The following C3orf70 variants were observed in gnomAD, a reference collection of about 807,000 sequenced individuals.
C3orf70 encodes the protein chromosome 3 open reading frame 70.
A neutral mutation model predicts 20.7 loss-of-function variants in C3orf70; 15 were observed. That is an observed-to-expected ratio of 0.72 (90% CI 0.48 to 1.11). The LOEUF (loss-of-function observed/expected upper bound fraction) is 1.11, where lower values mean the gene tolerates loss of function less well. Ranked by LOEUF, C3orf70 falls within the 50% of genes most tolerant of loss-of-function variation. C3orf70 has a pLI of 0.00. For missense variants in C3orf70, 332 were observed against 317.6 expected (o/e 1.05, Z -0.34); for synonymous variants, 161 against 125.7 (o/e 1.28, Z -1.88).
chr3:185,101,563 G>T (rs572585814), intron 1 of C3orf70, among the ~76,000 whole-genome samples: 1 of 152,184 alleles, frequency 6.6e-6, no homozygotes, highest in Admixed American at 6.5e-5. Flanking sequence ...GTCTGCTTCT[G>T]GGGAGGTCTC....
chr3:185,110,981 C>G (rs1465483612), intron 1 of C3orf70, among the ~76,000 whole-genome samples: 3 of 152,166 alleles, frequency 2.0e-5, no homozygotes, highest in Non-Finnish European at 4.4e-5. Context: ...CTCTATATTT[C>G]TGTGTGTGTG....
intron 1 of C3orf70, among the ~76,000 whole-genome samples, chr3:185,098,431 A>G (rs1474705699): frequency 6.6e-6 from 1 of 152,234 alleles, no homozygotes; most frequent in Non-Finnish European, 1.5e-5. Context: ...TTTCAAAGAC[A>G]TTAATTAGGA....
At chr3:185,135,346 C>T (rs952000424) in intron 1 of C3orf70, among the ~76,000 whole-genome samples, 17 of 152,138 alleles carry the variant, frequency 1.1e-4, no homozygotes, top group Non-Finnish European at 7.3e-5. Context: ...CCAGGCCAGG[C>T]GCAGTGGCTC....
intron 1 of C3orf70, among the ~76,000 whole-genome samples, chr3:185,090,434 T>C (rs1326780766): frequency 2.6e-5 from 4 of 152,208 alleles, no homozygotes; most frequent in Admixed American, 2.6e-4. Flanking sequence ...CAGATAGTTT[T>C]ATGGTTGTTA....
At chr3:185,126,466 A>C (rs1010493704) in intron 1 of C3orf70, among the ~76,000 whole-genome samples, 1 of 152,196 alleles carries the variant, frequency 6.6e-6, no homozygotes, top group East Asian at 1.9e-4. Flanking sequence ...CATTACTGTC[A>C]GTACAGAGTC....
At chr3:185,130,915 C>T (rs1240081693) in intron 1 of C3orf70, among the ~76,000 whole-genome samples, 1 of 152,094 alleles carries the variant, frequency 6.6e-6, no homozygotes, top group Admixed American at 6.5e-5. Context: ...ATTAATGCTG[C>T]TATAAACATT....
intron 1 of C3orf70, among the ~76,000 whole-genome samples, chr3:185,101,163 C>T (rs1006715368): frequency 6.6e-6 from 1 of 152,154 alleles, no homozygotes; most frequent in Non-Finnish European, 1.5e-5. Flanking sequence ...GGAAGAAGGA[C>T]TCCTCCCTAA....
chr3:185,133,472 GT>G (rs1228591797), intron 1 of C3orf70, among the ~76,000 whole-genome samples: 1 of 152,236 alleles, frequency 6.6e-6, no homozygotes, highest in Non-Finnish European at 1.5e-5. Context: ...GCCAGGCATG[GT>G]GGCTCATGCC....
chr3:185,089,258 T>G (rs1715517928), intron 1 of C3orf70, among the ~76,000 whole-genome samples: 1 of 152,178 alleles, frequency 6.6e-6, no homozygotes, highest in East Asian at 1.9e-4. Context: ...ATTTATTTAT[T>G]TATTTATTCA....
rs1716100577 is a variant in C3orf70, at chr3:185,112,794, C to A, written c.197-29231G>T. ...CTACCCTATCACAGTAAGAGGTAAC[C>A]TCTATTTTGAACTTTTACCTAATGT... On this transcript the variant is annotated intron_variant, in intron 1 of 1. Coordinates refer to ENST00000335012, the MANE Select transcript of C3orf70 (RefSeq NM_001025266.3). 1.3e-5 allele frequency among the ~76,000 whole-genome samples: 2 copies of A among 152,252 alleles called. 1 individual carries two copies. Among genetic ancestry groups the A allele is most frequent in the South Asian group, 4.1e-4 (2 of 4,830 alleles).
chr3:185,145,451 T>C (rs1198876903), intron 1 of C3orf70, among the ~76,000 whole-genome samples: 2 of 117,460 alleles, frequency 1.7e-5, no homozygotes, highest in Non-Finnish European at 3.6e-5. Context: ...CTTATTTTAA[T>C]TTTATTTCAT....
In C3orf70 at chr3:185,152,882, G is replaced by A; in HGVS notation, c.-59C>T. Reference sequence around the variant, plus strand: ...GCCCGGGAGAAGCGACGTCTGGGTGGGCAGGAAGCCGAGCCGGCTGCGGAC... The same window carrying A: ...GCCCGGGAGAAGCGACGTCTGGGTGAGCAGGAAGCCGAGCCGGCTGCGGAC... On this transcript the variant is annotated 5_prime_UTR_variant, in exon 1 of 2. Coordinates refer to ENST00000335012, the MANE Select transcript of C3orf70 (RefSeq NM_001025266.3). 1 of 1,400,804 alleles carries A rather than the reference G, an allele frequency of 7.1e-7. No homozygotes were observed. Among genetic ancestry groups the A allele is most frequent in the South Asian group, 1.5e-5 (1 of 65,872 alleles). The allele number at this position is 1,400,804 out of a possible 1,614,324, so 86.8% of individuals were successfully genotyped here.
intron 1 of C3orf70, among the ~76,000 whole-genome samples, chr3:185,106,487 A>T (rs1459887109): frequency 6.6e-6 from 1 of 152,186 alleles, no homozygotes; most frequent in East Asian, 1.9e-4. Context: ...CAGTTGAGGG[A>T]AAAAAAGAAA....
intron 1 of C3orf70, among the ~76,000 whole-genome samples, chr3:185,111,025 C>T (rs935667382): frequency 6.6e-6 from 1 of 152,094 alleles, no homozygotes; most frequent in African/African-American, 2.4e-5. Flanking sequence ...GGGTTAGGGT[C>T]TCCCTGACTG....
intron 1 of C3orf70, among the ~76,000 whole-genome samples, chr3:185,101,774 C>A (rs1039612048): frequency 3.1e-4 from 47 of 152,148 alleles, no homozygotes; most frequent in African/African-American, 1.1e-3. Flanking sequence ...TCCCACCAAG[C>A]CCCATCTCCA....
chr3:185,089,956 G>A (rs918410236), intron 1 of C3orf70, among the ~76,000 whole-genome samples: 1 of 152,098 alleles, frequency 6.6e-6, no homozygotes, highest in African/African-American at 2.4e-5. Flanking sequence ...ATGCCTCAAT[G>A]AAACACTAAC....
At chr3:185,137,672 G>C (rs920855275) in intron 1 of C3orf70, among the ~76,000 whole-genome samples, 1 of 151,724 alleles carries the variant, frequency 6.6e-6, no homozygotes, top group South Asian at 2.1e-4. Flanking sequence ...AAGTTTCGAG[G>C]GAAATCAAAA....
At chr3:185,102,307 C>T (rs1715839060) in intron 1 of C3orf70, among the ~76,000 whole-genome samples, 1 of 152,174 alleles carries the variant, frequency 6.6e-6, no homozygotes, top group Non-Finnish European at 1.5e-5. Context: ...AACACAATCC[C>T]ATTCACAATT....
chr3:185,143,010 T>C (rs1231803218), intron 1 of C3orf70, among the ~76,000 whole-genome samples: 1 of 152,196 alleles, frequency 6.6e-6, no homozygotes, highest in African/African-American at 2.4e-5. Flanking sequence ...ATGCGATATA[T>C]GAATCTTGAT....
Sources: gnomAD v4.1 joint callset for allele counts (sites outside exome capture counted in the v4.1 genomes callset) on GRCh38, gnomAD v4.1.1 for gene constraint, MANE v1.5 for transcripts, NCBI Gene and HGNC (gene_info 2026-07-23, HGNC 2026-07-21) for gene names.